CDH13: variants seen among roughly 807,000 people sequenced by gnomAD.
CDH13 encodes the protein cadherin 13.
In CDH13, 24 loss-of-function variants were observed where a neutral mutation model predicts 63.8. The observed-to-expected ratio is 0.38, with a 90% CI of 0.27 to 0.53. The LOEUF is 0.53. Ranked by LOEUF, CDH13 falls within the 20% of genes least tolerant of loss-of-function variation. The pLI, the probability that CDH13 is intolerant of heterozygous loss-of-function variation, is 0.85. For synonymous variants in CDH13, 503 were observed against 355.3 expected, an observed-to-expected ratio of 1.42 and a Z score of -4.67; for missense variants, 1,049 against 903.1, an observed-to-expected ratio of 1.16 and a Z score of -2.07.
intron 2 of CDH13, among the ~76,000 whole-genome samples, chr16:82,896,638 C>T (rs1014960673): frequency 4.0e-5 from 6 of 151,674 alleles, no homozygotes; most frequent in African/African-American, 1.5e-4. Context: ...AGGGGATATA[C>T]CTGGGAGATC....
At chr16:83,319,536 C>G (rs777462775) in intron 5 of CDH13, among the ~76,000 whole-genome samples, 40 of 152,134 alleles carry the variant, frequency 2.6e-4, no homozygotes, top group Non-Finnish European at 4.3e-4. Flanking sequence ...TAAATCACGA[C>G]TTTACGATTT....
In CDH13 at chr16:82,970,537, C is replaced by G. The variant is rs560255178; in HGVS notation, c.158-61473C>G. 3.0e-3 allele frequency among the ~76,000 whole-genome samples: 427 copies of G among 143,638 alleles called. 25 individuals carry two copies. The highest frequency in any genetic ancestry group is 9.7e-3 in the African/African-American group (391 of 40,260). The allele number at this position is 143,638 out of a possible 152,430, so 94.2% of individuals were successfully genotyped here. ...GCCTCAGCCTCCCGAGTAGCTGGGA[C>G]TACAGGCGCCCGCCACCGCGCCCGG... On this transcript the variant is annotated intron_variant, in intron 2 of 13. Coordinates refer to ENST00000567109, the MANE Select transcript of CDH13 (RefSeq NM_001257.5).
chr16:82,725,719 T>G (rs2033056621), intron 1 of CDH13, among the ~76,000 whole-genome samples: 2 of 152,164 alleles, frequency 1.3e-5, no homozygotes, highest in South Asian at 2.1e-4. Context: ...GAATGCTGAC[T>G]TGTAAACTGA....
At chr16:82,723,471 A>G (rs995167148) in intron 1 of CDH13, among the ~76,000 whole-genome samples, 1 of 152,058 alleles carries the variant, frequency 6.6e-6, no homozygotes, top group African/African-American at 2.4e-5. Flanking sequence ...GGGATGTGGG[A>G]TGATGTAAAG....
At chr16:83,496,923 C>G (rs544175400) in intron 7 of CDH13, among the ~76,000 whole-genome samples, 7 of 152,338 alleles carry the variant, frequency 4.6e-5, no homozygotes, top group East Asian at 1.9e-4. Flanking sequence ...CTCATCATCA[C>G]TGGCCATCAG....
intron 1 of CDH13, among the ~76,000 whole-genome samples, chr16:82,841,362 C>T (rs2039003073): frequency 6.6e-6 from 1 of 152,146 alleles, no homozygotes; most frequent in African/African-American, 2.4e-5. Context: ...ATGGGAGATA[C>T]TAGTGTGGCT....
At chr16:82,851,801 G>A (rs1224546002) in intron 1 of CDH13, among the ~76,000 whole-genome samples, 2 of 152,066 alleles carry the variant, frequency 1.3e-5, no homozygotes, top group Admixed American at 1.3e-4. Flanking sequence ...CTCCCTGGGA[G>A]GATAAAGAAT....
chr16:82,823,602 T>C (rs1349069865), intron 1 of CDH13: 1 of 152,178 alleles, frequency 6.6e-6, no homozygotes, highest in East Asian at 1.9e-4. Context: ...TTAAAGACAA[T>C]TGAAAACCAA....
intron 4 of CDH13, among the ~76,000 whole-genome samples, chr16:83,138,702 C>T (rs1428158925): frequency 6.6e-6 from 1 of 152,084 alleles, no homozygotes; most frequent in Non-Finnish European, 1.5e-5. Flanking sequence ...GGGAATCACA[C>T]GATCAGATTT....
intron 2 of CDH13, among the ~76,000 whole-genome samples, chr16:82,906,799 T>G (rs1172281699): frequency 6.6e-6 from 1 of 152,202 alleles, no homozygotes; most frequent in Non-Finnish European, 1.5e-5. Context: ...CTGGCAGTCC[T>G]TGGCATTCCC....
Position 83,477,213 on chromosome 16 carries a change from A to G in CDH13, c.782-9264A>G, listed in dbSNP as rs866651151. Among the ~76,000 whole-genome samples, 97 of 152,358 alleles carry G rather than the reference A, an allele frequency of 6.4e-4. 1 individual carries two copies. The highest frequency in any genetic ancestry group is 2.2e-3 in the African/African-American group (92 of 41,594). On this transcript the variant is annotated intron_variant, in intron 6 of 13. Transcript: ENST00000567109. ...ATCATCTCTTTATCAGTATAAAAATAAACAACCTTTGAAAACAGATGGAGA... is the reference window on the plus strand; with the variant it reads ...ATCATCTCTTTATCAGTATAAAAATGAACAACCTTTGAAAACAGATGGAGA...
intron 6 of CDH13, among the ~76,000 whole-genome samples, chr16:83,390,286 T>C (rs1034197188): frequency 1.3e-5 from 2 of 152,112 alleles, no homozygotes; most frequent in Non-Finnish European, 2.9e-5. Context: ...TTTCCTAGTA[T>C]GGCCTGTGGG....
At chr16:83,297,649 T>C (rs2089634130) in intron 5 of CDH13, among the ~76,000 whole-genome samples, 1 of 152,118 alleles carries the variant, frequency 6.6e-6, no homozygotes, top group South Asian at 2.1e-4. Context: ...CCTTGATATA[T>C]GGAAACTGAC....
intron 10 of CDH13, among the ~76,000 whole-genome samples, chr16:83,727,519 G>C (rs1003959062): frequency 6.6e-6 from 1 of 151,538 alleles, no homozygotes; most frequent in Non-Finnish European, 1.5e-5. Context: ...CTGTTCCAGA[G>C]ATCACCACTG....
chr16:83,509,243 A>G (rs948674610), intron 7 of CDH13, among the ~76,000 whole-genome samples: 2 of 152,230 alleles, frequency 1.3e-5, no homozygotes, highest in Non-Finnish European at 2.9e-5. Flanking sequence ...ATGACTCTTT[A>G]CAGCAGGATG....
Position 83,493,565 on chromosome 16 carries a change from C to T in CDH13, c.960+6910C>T, listed in dbSNP as rs145515782. Among the ~76,000 whole-genome samples the T allele has an allele frequency of 2.0e-3, 311 of 152,182 alleles. No homozygotes were observed. The Middle Eastern group carries it at 0.024, about 12-fold the overall frequency. ...AGTGCGGAAGCAGAAGGAAGGGCAT[C>T]GTGGGGAAAGGAGTGGCATGGACAA... On this transcript the variant is annotated intron_variant, in intron 7 of 13. Coordinates refer to ENST00000567109, the MANE Select transcript of CDH13 (RefSeq NM_001257.5).
intron 7 of CDH13, among the ~76,000 whole-genome samples, chr16:83,502,096 G>C (rs1235161145): frequency 6.6e-6 from 1 of 152,214 alleles, no homozygotes; most frequent in Non-Finnish European, 1.5e-5. Flanking sequence ...GTGGAAGACA[G>C]AATAATGGCT....
chr16:82,779,702 T>A (rs1391969970), intron 1 of CDH13, among the ~76,000 whole-genome samples: 2 of 152,190 alleles, frequency 1.3e-5, no homozygotes, highest in African/African-American at 4.8e-5. Context: ...AACCAGATTG[T>A]TGGAGTTGTT....
intron 1 of CDH13, among the ~76,000 whole-genome samples, chr16:82,672,079 G>A (rs1468445265): frequency 6.6e-6 from 1 of 152,184 alleles, no homozygotes; most frequent in Non-Finnish European, 1.5e-5. Flanking sequence ...CAATATGGAA[G>A]TTAACAACGC....
Sources: allele counts gnomAD v4.1 joint callset (sites outside exome capture counted in the v4.1 genomes callset), GRCh38; gene constraint gnomAD v4.1.1; transcripts MANE v1.5; gene names NCBI Gene and HGNC (gene_info 2026-07-23, HGNC 2026-07-21).